The following RP2 variants were observed in gnomAD, a reference collection of about 807,000 sequenced individuals.
The protein encoded by RP2 is RP2 activator of ARL3 GTPase.
A neutral mutation model predicts 20.3 loss-of-function variants in RP2; 3 were observed. The observed-to-expected ratio is 0.15, with a 90% CI of 0.07 to 0.38. RP2 has a LOEUF of 0.38. Ranked by LOEUF, RP2 falls within the 10% of genes least tolerant of loss-of-function variation. The probability of loss-of-function intolerance (pLI) is 1.00; values close to 1 mark genes in which losing one functional copy is unlikely to be tolerated. For missense variants in RP2, 233 were observed against 268.5 expected (o/e 0.87, Z 0.92); for synonymous variants, 75 against 94.8 (o/e 0.79, Z 1.22).
chrX:46,855,721 C>G (rs1405362393), intron 2 of RP2, among the ~76,000 whole-genome samples: 5 of 110,773 alleles, frequency 4.5e-5, no homozygotes, highest in Non-Finnish European at 7.6e-5. Context: ...CCCGCCTCGG[C>G]CTCCCAAAGT....
chrX:46,845,660 T>C (rs1924703848), intron 1 of RP2, among the ~76,000 whole-genome samples: 1 of 112,241 alleles, frequency 8.9e-6, no homozygotes, highest in Non-Finnish European at 1.9e-5. Context: ...TTTGTCTTTT[T>C]GAGAATGTCA....
At chrX:46,867,839 C>T (rs989941206) in intron 3 of RP2, among the ~76,000 whole-genome samples, 1 of 111,974 alleles carries the variant, frequency 8.9e-6, no homozygotes, top group Non-Finnish European at 1.9e-5. Flanking sequence ...GATTTCATTC[C>T]TTTTATGGCT....
At position 46,879,932 on chromosome X, in the gene RP2, T is replaced by C. The variant is rs1556328433; in HGVS notation, c.*163T>C. The C allele has an allele frequency of 2.9e-6, 1 of 343,268 alleles. No individual in the cohort carries two copies. Among genetic ancestry groups the C allele is most frequent in the Non-Finnish European group, 5.1e-6 (1 of 195,163 alleles). 28.3% of individuals were successfully genotyped at this position (343,268 alleles called of 1,213,427 possible). On this transcript the variant is annotated 3_prime_UTR_variant, in exon 5 of 5. Coordinates refer to ENST00000218340, the MANE Select transcript of RP2 (RefSeq NM_006915.3). ...GAGTATTACATCATTTACTTGAGGT[T>C]CAAAAATAATTCATTTTAAATTAAG...
chrX:46,867,487 T>C (rs1569532144), intron 3 of RP2, among the ~76,000 whole-genome samples: 1 of 113,012 alleles, frequency 8.8e-6, no homozygotes. Flanking sequence ...ATCCTGCTTG[T>C]TTCCAGTTTT....
chrX:46,854,710 A>G (rs1402508220), intron 2 of RP2, among the ~76,000 whole-genome samples: 1 of 110,832 alleles, frequency 9.0e-6, no homozygotes, highest in Non-Finnish European at 1.9e-5. Flanking sequence ...ATGACATTTT[A>G]TAATTATTTA....
intron 1 of RP2, among the ~76,000 whole-genome samples, chrX:46,851,119 T>C (rs1387897858): frequency 1.8e-5 from 2 of 112,119 alleles, no homozygotes; most frequent in Non-Finnish European, 1.9e-5. Context: ...ATTAAGATGA[T>C]TAAATTTTGC....
At chrX:46,852,819 C>G (rs2147080961) in intron 1 of RP2, among the ~76,000 whole-genome samples, 1 of 111,108 alleles carries the variant, frequency 9.0e-6, no homozygotes. Flanking sequence ...CTGGTCTCAT[C>G]TGATCCTCCC....
At chrX:46,843,622 G>T (rs1220232489) in intron 1 of RP2, among the ~76,000 whole-genome samples, 9 of 111,752 alleles carry the variant, frequency 8.1e-5, no homozygotes, top group Non-Finnish European at 1.5e-4. Context: ...GATGAACAAA[G>T]GGAATGTGAT....
chrX:46,842,478 A>C (rs781899985), intron 1 of RP2, among the ~76,000 whole-genome samples: 1 of 112,018 alleles, frequency 8.9e-6, no homozygotes, highest in African/African-American at 3.2e-5. Flanking sequence ...CTATTATTAT[A>C]TATCCATAAA....
chrX:46,870,595 A>C (rs782125683), intron 3 of RP2, among the ~76,000 whole-genome samples: 5 of 111,879 alleles, frequency 4.5e-5, no homozygotes, highest in Non-Finnish European at 9.4e-5. Context: ...CAAAAAGCAC[A>C]AAAATGTGAA....
chrX:46,843,756 C>T (rs1178195061), intron 1 of RP2, among the ~76,000 whole-genome samples: 4 of 111,730 alleles, frequency 3.6e-5, no homozygotes, highest in Non-Finnish European at 7.5e-5. Context: ...AAATGTAGTA[C>T]TTCAGTTTCT....
At chrX:46,842,062 G>A (rs781926144) in intron 1 of RP2, among the ~76,000 whole-genome samples, 1 of 111,597 alleles carries the variant, frequency 9.0e-6, no homozygotes, top group Non-Finnish European at 1.9e-5. Context: ...ATAGGCGCGT[G>A]CCACCACACC....
chrX:46,850,508 C>T (rs782327463), intron 1 of RP2, among the ~76,000 whole-genome samples: 1 of 111,917 alleles, frequency 8.9e-6, no homozygotes, highest in African/African-American at 3.2e-5. Context: ...TTATATAATA[C>T]GGTTTCTGCC....
intron 4 of RP2, among the ~76,000 whole-genome samples, chrX:46,878,452 T>G (rs782792102): frequency 1.5e-4 from 17 of 111,156 alleles, no homozygotes; most frequent in Non-Finnish European, 1.7e-4. Context: ...ATCTAAGAAT[T>G]GCAGACATAA....
chrX:46,853,613 A>T lies in RP2; in HGVS notation c.240A>T (p.Thr80=). ...CNIYIFDHSA[T]VTIDDCTNCI... ...TCTATATTTTTGATCACTCTGCTAC[A>T]GTTACCATTGATGACTGTACTAACT... Residue 80 remains threonine (T), a synonymous_variant, in exon 2 of 5, where the codon ACA becomes ACT. Coordinates refer to ENST00000218340, the MANE Select transcript of RP2 (RefSeq NM_006915.3). 8.3e-7 allele frequency: 1 copy of T among 1,211,927 alleles called. No individual in the cohort carries two copies. The highest frequency in any genetic ancestry group is 1.1e-6 in the Non-Finnish European group (1 of 895,556).
At chrX:46,864,318 T>C (rs1196958079) in intron 3 of RP2, among the ~76,000 whole-genome samples, 3 of 108,584 alleles carry the variant, frequency 2.8e-5, no homozygotes, top group African/African-American at 1.0e-4. Context: ...CATAAATACA[T>C]AAACAAATTT....
intron 3 of RP2, among the ~76,000 whole-genome samples, chrX:46,863,186 A>G (rs912484953): frequency 1.9e-4 from 21 of 111,817 alleles, no homozygotes; most frequent in African/African-American, 6.5e-4. Flanking sequence ...AGATAGAATT[A>G]TCGTTGATCC....
intron 3 of RP2, among the ~76,000 whole-genome samples, chrX:46,871,021 CTTTTTTTTTTTTTTT>C (rs58549261): frequency 1.3e-5 from 1 of 77,377 alleles, no homozygotes; most frequent in Admixed American, 1.4e-4. Flanking sequence ...ACGCTCATTC[CTTTTTTTTTTTTTTT>C]TTTTTTTTTT....
chrX:46,882,271 G>T lies in RP2; in HGVS notation c.*2502G>T, dbSNP rs915579117. ...TTAATAGTACTGCTGTTTTTGTTTT[G>T]CTTCTTTATATTTATGTCTAGCTTT... is the stretch of plus-strand genomic sequence containing the variant. On this transcript the variant is annotated 3_prime_UTR_variant, in exon 5 of 5. Coordinates refer to ENST00000218340, the MANE Select transcript of RP2 (RefSeq NM_006915.3). The T allele has an allele frequency of 2.7e-5, 3 of 111,414 alleles. No individual in the cohort carries two copies. The highest frequency in any genetic ancestry group is 3.8e-5 in the Non-Finnish European group (2 of 53,028). The allele number at this position is 111,414 out of a possible 1,213,427, so 9.2% of individuals were successfully genotyped here.
Sources: allele counts gnomAD v4.1 joint callset (sites outside exome capture counted in the v4.1 genomes callset), GRCh38; gene constraint gnomAD v4.1.1; transcripts MANE v1.5; gene names NCBI Gene and HGNC (gene_info 2026-07-23, HGNC 2026-07-21).